The following PCDHGA11 variants were observed in gnomAD, a reference collection of about 807,000 sequenced individuals.
PCDHGA11 encodes protocadherin gamma-A11.
PCDHGA11 carries 39 observed loss-of-function variants against 60.4 expected under a neutral mutation model. The observed-to-expected ratio is 0.65, with a 90% CI of 0.50 to 0.84. PCDHGA11 has a LOEUF of 0.84. PCDHGA11 is among the 40% of genes least tolerant of loss of function. The probability of loss-of-function intolerance (pLI) is 0.00; values close to 1 mark genes in which losing one functional copy is unlikely to be tolerated. For synonymous variants in PCDHGA11, 533 were observed against 510.3 expected, an observed-to-expected ratio of 1.04 and a Z score of -0.60; for missense variants, 1,165 against 1,197.7, an observed-to-expected ratio of 0.97 and a Z score of 0.40.
At chr5:141,439,668 A>C (rs944454917) in intron 1 of PCDHGA11, among the ~76,000 whole-genome samples, 1 of 152,230 alleles carries the variant, frequency 6.6e-6, no homozygotes, top group Non-Finnish European at 1.5e-5. Context: ...CATGGAATGC[A>C]AATCCAAGAG....
chr5:141,478,259 T>A lies in PCDHGA11; in HGVS notation c.2434-16548T>A, dbSNP rs534973741. ...GGTCACAGTGTTCGGAGTAATCATA[T>A]TCAAAGTTTACAAGTGGAAGCAGTC... On this transcript the variant is annotated intron_variant, in intron 1 of 3. Transcript: ENST00000398587. 3.2e-5 allele frequency: 52 copies of A among 1,614,064 alleles called. No individual in the cohort carries two copies. The highest frequency in any genetic ancestry group is 4.4e-5 in the Non-Finnish European group (52 of 1,180,048).
Position 141,421,938 on chromosome 5 carries a change from T to C in PCDHGA11, c.711T>C (p.Asn237=), listed in dbSNP as rs777643980. 46 of 1,613,346 alleles carry C rather than the reference T, an allele frequency of 2.9e-5. No homozygotes were observed. Among genetic ancestry groups the C allele is most frequent in the Non-Finnish European group, 3.5e-5 (41 of 1,179,708 alleles). The change falls in exon 1 of 4, where the codon AAT becomes AAC. Residue 237 remains asparagine (N), a synonymous_variant. Coordinates refer to ENST00000398587, the MANE Select transcript of PCDHGA11 (RefSeq NM_018914.3). ...VPIRVVVLDV[N]DHIPMFTQSV... is the part of the protein sequence containing the mutation. ...TTCGTGTGGTGGTCCTCGATGTAAA[T>C]GATCACATCCCAATGTTTACACAGT...
rs2099705703 is a variant in PCDHGA11, at chr5:141,490,886, C to A, written c.2434-3921C>A. On this transcript the variant is annotated intron_variant, in intron 1 of 3. Transcript: ENST00000398587. This position sits in a 1 kb window ranked among gnomAD's most constrained non-coding sequence, Gnocchi z 5.4. The stretch of plus-strand genomic sequence containing the variant: ...TCTCCCCCATTGCATGCCAACACAT[C>A]TCTGCATGTGTTTGTCCTAGACGAG... The A allele has an allele frequency of 6.2e-7, 1 of 1,613,406 alleles. No homozygotes were observed. Among genetic ancestry groups the A allele is most frequent in the East Asian group, 2.2e-5 (1 of 44,878 alleles).
intron 1 of PCDHGA11, among the ~76,000 whole-genome samples, chr5:141,470,152 T>C (rs546219809): frequency 2.6e-5 from 4 of 152,308 alleles, no homozygotes; most frequent in African/African-American, 9.6e-5. Context: ...ATAGATCATC[T>C]TATCAAATCA....
chr5:141,477,263 G>A lies in PCDHGA11; in HGVS notation c.2434-17544G>A, dbSNP rs543767777. 1.4e-5 allele frequency: 23 copies of A among 1,614,192 alleles called. No individual in the cohort carries two copies. The highest frequency in any genetic ancestry group is 1.8e-5 in the Non-Finnish European group (21 of 1,180,046). On this transcript the variant is annotated intron_variant, in intron 1 of 3. Transcript: ENST00000398587. The surrounding 1 kb of genome is among the most constrained non-coding windows in gnomAD (Gnocchi z 4.9). The stretch of plus-strand genomic sequence containing the variant: ...CAGTGTGACTGACCTGGATGCTGGC[G>A]AGAACGGGCTGGTGACCTGCGAAGT...
At chr5:141,479,561 G>A (rs1032137833) in intron 1 of PCDHGA11, 1 of 152,270 alleles carries the variant, frequency 6.6e-6, no homozygotes, top group African/African-American at 2.4e-5. Context: ...CTATCCAGTA[G>A]TGGGATGACA....
chr5:141,508,714 G>A (rs775462794), intron 3 of PCDHGA11, among the ~76,000 whole-genome samples: 16 of 151,880 alleles, frequency 1.1e-4, no homozygotes, highest in Admixed American at 2.0e-4. Context: ...ATTCTTTTCT[G>A]TGTGCAGGGA....
chr5:141,476,714 C>A lies in PCDHGA11; in HGVS notation c.2434-18093C>A, dbSNP rs146188020. 1 of 1,614,154 alleles carries A rather than the reference C, an allele frequency of 6.2e-7. No homozygotes were observed. The highest frequency in any genetic ancestry group is 1.1e-5 in the South Asian group (1 of 91,078). ...CAAGTACGCGGAGCTGGTGTTGGAG[C>A]GCGCCCTGGACCGAGAACGGGAGCC... On this transcript the variant is annotated intron_variant, in intron 1 of 3. Transcript: ENST00000398587. This position sits in a 1 kb window ranked among gnomAD's most constrained non-coding sequence, Gnocchi z 7.6.
At chr5:141,499,029 A>AAGGAAGGAAGGAAGGAAGGAAGG (rs1562187768) in intron 2 of PCDHGA11, among the ~76,000 whole-genome samples, 1 of 139,968 alleles carries the variant, frequency 7.1e-6, no homozygotes, top group African/African-American at 2.8e-5. Flanking sequence ...AGGAAGGAAG[A>AAGGAAGGAAGGAAGGAAGGAAGG]AAAGAAAGAA....
At chr5:141,463,847 G>T (rs922334975) in intron 1 of PCDHGA11, among the ~76,000 whole-genome samples, 9 of 152,158 alleles carry the variant, frequency 5.9e-5, no homozygotes, top group African/African-American at 2.2e-4. Context: ...TGTTATAGTG[G>T]TATATCTGGT....
chr5:141,435,745 A>T (rs2097777848), intron 1 of PCDHGA11, among the ~76,000 whole-genome samples: 1 of 152,184 alleles, frequency 6.6e-6, no homozygotes, highest in African/African-American at 2.4e-5. Context: ...TTTGAAAAGC[A>T]TTGCTTGATT....
intron 1 of PCDHGA11, among the ~76,000 whole-genome samples, chr5:141,458,247 C>T (rs758242859): frequency 4.6e-5 from 7 of 152,100 alleles, no homozygotes; most frequent in South Asian, 2.1e-4. Flanking sequence ...CAAAATGATA[C>T]GGCTCTGATG....
intron 1 of PCDHGA11, among the ~76,000 whole-genome samples, chr5:141,483,679 CAGAA>C (rs1470395939): frequency 6.7e-6 from 1 of 149,028 alleles, no homozygotes; most frequent in Non-Finnish European, 1.5e-5. Flanking sequence ...TAAAAGAACA[CAGAA>C]AGCCAGATTC....
chr5:141,430,773 G>A (rs375524585), intron 1 of PCDHGA11: 2 of 1,507,932 alleles, frequency 1.3e-6, no homozygotes, highest in Non-Finnish European at 1.8e-6. Flanking sequence ...ATTCCTGCGC[G>A]ACTGCACCGG....
intron 2 of PCDHGA11, among the ~76,000 whole-genome samples, chr5:141,497,767 C>T (rs1419825322): frequency 1.3e-5 from 2 of 152,066 alleles, no homozygotes; most frequent in East Asian, 3.9e-4. Flanking sequence ...TCAAACTCCC[C>T]GACCTCAACT....
intron 1 of PCDHGA11, chr5:141,442,134 AG>A (rs1365375748): frequency 6.1e-6 from 1 of 163,744 alleles, no homozygotes; most frequent in African/African-American, 2.4e-5. Context: ...AGCCTGCAGG[AG>A]ACTCTGCCAG....
intron 1 of PCDHGA11, chr5:141,442,416 T>A (rs2098323395): frequency 6.6e-6 from 1 of 152,206 alleles, no homozygotes; most frequent in Non-Finnish European, 1.5e-5. Flanking sequence ...CTGAGTGAAC[T>A]TCTTTTTTGA....
At chr5:141,466,325 C>T (rs1252026939) in intron 1 of PCDHGA11, among the ~76,000 whole-genome samples, 3 of 152,108 alleles carry the variant, frequency 2.0e-5, no homozygotes, top group African/African-American at 7.2e-5. Context: ...CACATGCTAC[C>T]ATGCCTGGAT....
At position 141,487,194 on chromosome 5, in the gene PCDHGA11, C is replaced by T. The variant is rs148502966; in HGVS notation, c.2434-7613C>T. 2 of 1,613,868 alleles carry T rather than the reference C, an allele frequency of 1.2e-6. No homozygotes were observed. The highest frequency in any genetic ancestry group is 1.3e-5 in the African/African-American group (1 of 75,030). On this transcript the variant is annotated intron_variant, in intron 1 of 3. Coordinates refer to ENST00000398587, the MANE Select transcript of PCDHGA11 (RefSeq NM_018914.3). The surrounding 1 kb of genome is among the most constrained non-coding windows in gnomAD (Gnocchi z 5.0). ...GAGGAAGACACTCATCCAGTTGTCC[C>T]AGATCTTCGAGAATCTTCAGCTCCA... is the stretch of plus-strand genomic sequence containing the variant.
Sources: gnomAD v4.1 joint callset for allele counts (sites outside exome capture counted in the v4.1 genomes callset) on GRCh38, gnomAD v4.1.1 for gene constraint, Gnocchi (gnomAD v3.1) non-coding constraint, MANE v1.5 for transcripts, NCBI Gene and HGNC (gene_info 2026-07-23, HGNC 2026-07-21) for gene names.